Variants in INSYN1 observed in about 807,000 individuals in gnomAD.
The protein encoded by INSYN1 is UPF0583 protein C15orf59.
A neutral mutation model predicts 17.1 loss-of-function variants in INSYN1; 7 were observed. That is an observed-to-expected ratio of 0.41 (90% CI 0.23 to 0.77). The LOEUF (loss-of-function observed/expected upper bound fraction) is 0.77. Ranked by LOEUF, INSYN1 falls within the 30% of genes least tolerant of loss-of-function variation. INSYN1 has a pLI of 0.32. For synonymous variants in INSYN1, 174 were observed against 166.3 expected, an observed-to-expected ratio of 1.05 and a Z score of -0.36; for missense variants, 339 against 400.6, an observed-to-expected ratio of 0.85 and a Z score of 1.31.
In INSYN1 at chr15:73,739,838, AATAT is replaced by A. The variant is rs71650721; in HGVS notation, c.*75_*78del. ...ATTTTATTATGACTTCATTTGTTTA[AATAT>A]ATATATATATATATATATATATATA... On this transcript the variant is annotated 3_prime_UTR_variant, in exon 3 of 3. Coordinates refer to ENST00000569673, the MANE Select transcript of INSYN1 (RefSeq NM_001039614.3). 0.021 allele frequency: 3,066 copies of A among 144,368 alleles called. 71 individuals carry two copies. Among genetic ancestry groups the A allele is most frequent in the African/African-American group, 0.059 (2,000 of 33,844 alleles). 8.9% of individuals were successfully genotyped at this position (144,368 alleles called of 1,614,324 possible). A position where few individuals can be genotyped will look rare whatever the true frequency, so the allele number is the denominator to read the frequency against.
At chr15:73,747,965 G>A (rs536790962) in intron 2 of INSYN1, among the ~76,000 whole-genome samples, 8 of 152,214 alleles carry the variant, frequency 5.3e-5, no homozygotes, top group Non-Finnish European at 8.8e-5. Context: ...CTTGCTCATC[G>A]CCCAGGGAGC....
chr15:73,751,097 G>C lies in INSYN1; in HGVS notation c.34C>G (p.Pro12Ala). ...CCACCACTGCTGGGGTCGTCACTGG[G>C]CTGCCCGAGGTCCGGGGCGCCCCGA... The part of the protein sequence containing the change: ...NIRGAPDLGQ[P>A]SDDPSSGGER... The change falls in exon 2 of 3, where the codon CCC (proline) becomes GCC (alanine). Residue 12 changes from proline to alanine, a missense_variant. Transcript: ENST00000569673. 1.2e-6 allele frequency: 2 copies of C among 1,613,940 alleles called. No individual in the cohort carries two copies. Among genetic ancestry groups the C allele is most frequent in the Non-Finnish European group, 1.7e-6 (2 of 1,180,024 alleles).
chr15:73,745,786 G>A (rs1467667738), intron 2 of INSYN1, among the ~76,000 whole-genome samples: 4 of 122,932 alleles, frequency 3.3e-5, no homozygotes, highest in African/African-American at 1.3e-4. Context: ...TCCAGCCTGG[G>A]CGACAGAGCG....
In INSYN1 at chr15:73,751,403, C is replaced by T. The variant is rs1443286223; in HGVS notation, c.-273G>A. ...GAGAGGAGGGGGAGGGACCTTGGGT[C>T]CCAGGAGTGGCCTCCAGGTCTTGAA... is the stretch of plus-strand genomic sequence containing the variant. On this transcript the variant is annotated 5_prime_UTR_variant, in exon 2 of 3. Transcript: ENST00000569673. 1 of 476,384 alleles carries T rather than the reference C, an allele frequency of 2.1e-6. No individual in the cohort carries two copies. Among genetic ancestry groups the T allele is most frequent in the Non-Finnish European group, 3.8e-6 (1 of 259,864 alleles). The allele number at this position is 476,384 out of a possible 1,614,324, so 29.5% of individuals were successfully genotyped here. A position where few individuals can be genotyped will look rare whatever the true frequency, so the allele number is the denominator to read the frequency against.
chr15:73,739,867 A>T lies in INSYN1; in HGVS notation c.*50T>A, dbSNP rs1026483895. The T allele has an allele frequency of 3.3e-5, 12 of 364,776 alleles. No homozygotes were observed. Among genetic ancestry groups the T allele is most frequent in the Middle Eastern group, 1.0e-3 (1 of 1,002 alleles). The allele number at this position is 364,776 out of a possible 1,614,324, so 22.6% of individuals were successfully genotyped here. A position where few individuals can be genotyped will look rare whatever the true frequency, so the allele number is the denominator to read the frequency against. On this transcript the variant is annotated 3_prime_UTR_variant, in exon 3 of 3. Transcript: ENST00000569673. ...TATATATATATATATATATATATATATTTATTTATAGCTCTATGTGCCCAC... is the reference window on the plus strand; with the variant it reads ...TATATATATATATATATATATATATTTTTATTTATAGCTCTATGTGCCCAC...
chr15:73,751,533 A>T lies in INSYN1; in HGVS notation c.-403T>A. 1 of 218,184 alleles carries T rather than the reference A, an allele frequency of 4.6e-6. No individual in the cohort carries two copies. The highest frequency in any genetic ancestry group is 9.7e-5 in the East Asian group (1 of 10,324). The allele number at this position is 218,184 out of a possible 1,614,324, so 13.5% of individuals were successfully genotyped here. On this transcript the variant is annotated 5_prime_UTR_variant, in exon 2 of 3. Transcript: ENST00000569673. ...TAAGAGATGCCCTTGGGATGGGGGAAGGCAGCAGGGATCCCCTCACAACTC... is the reference window on the plus strand; with the variant it reads ...TAAGAGATGCCCTTGGGATGGGGGATGGCAGCAGGGATCCCCTCACAACTC...
intron 2 of INSYN1, among the ~76,000 whole-genome samples, chr15:73,747,941 C>T (rs1441107661): frequency 6.6e-6 from 1 of 152,186 alleles, no homozygotes; most frequent in Non-Finnish European, 1.5e-5. Flanking sequence ...ACTTTCCCCA[C>T]CAATGGGATA....
chr15:73,747,669 G>A (rs1382045686), intron 2 of INSYN1, among the ~76,000 whole-genome samples: 2 of 152,224 alleles, frequency 1.3e-5, no homozygotes, highest in Admixed American at 6.5e-5. Context: ...GCTAAGGAGA[G>A]GGTGGAGCTC....
In INSYN1 at chr15:73,753,210, C is replaced by T. The variant is rs950926206; in HGVS notation, c.-1668G>A. 2.1e-5 allele frequency among the ~76,000 whole-genome samples: 3 copies of T among 145,180 alleles called. No individual in the cohort carries two copies. The highest frequency in any genetic ancestry group is 2.1e-4 in the South Asian group (1 of 4,776). ...TGGGCCCGCTCCCCAAGCGCCGCGG[C>T]GCCGCGCCGCCCGCGCCCCGGCCGC... On this transcript the variant is annotated 5_prime_UTR_variant, in exon 1 of 3. Transcript: ENST00000569673. The surrounding 1 kb of genome is among the most constrained non-coding windows in gnomAD (Gnocchi z 4.2).
At chr15:73,743,555 C>T (rs1233804015) in intron 2 of INSYN1, among the ~76,000 whole-genome samples, 4 of 152,020 alleles carry the variant, frequency 2.6e-5, no homozygotes, top group East Asian at 1.9e-4. Flanking sequence ...TGTGGTGGCT[C>T]ATGCCTGTAA....
chr15:73,749,586 G>A (rs1313780813), intron 2 of INSYN1, among the ~76,000 whole-genome samples: 1 of 152,202 alleles, frequency 6.6e-6, no homozygotes, highest in Admixed American at 6.5e-5. Context: ...ATAAGATGGA[G>A]GCAGGGGGAA....
chr15:73,750,908 C>G, intron 2 of INSYN1, 67 bp downstream of exon 2: 1 of 1,572,572 alleles, frequency 6.4e-7, no homozygotes. Context: ...TTTATGAGTA[C>G]GTTTTTGTGC....
In INSYN1 at chr15:73,740,507, G is replaced by A. The variant is rs771613266; in HGVS notation, c.292C>T (p.Leu98=). Reference sequence around the variant, plus strand: ...AGGATATCGGCTGTCATGAAGTCCAGGTGGCCCAGGTCAAAGGGGCCACCC... The same window carrying A: ...AGGATATCGGCTGTCATGAAGTCCAAGTGGCCCAGGTCAAAGGGGCCACCC... ...GMGGPFDLGH[L]DFMTADILSD... The change falls in exon 3 of 3, where the codon CTG becomes TTG. Residue 98 remains leucine (L), a synonymous_variant. Transcript: ENST00000569673. 1.2e-5 allele frequency: 19 copies of A among 1,613,904 alleles called. No homozygotes were observed. In the African/African-American group the frequency reaches 2.1e-4, roughly 18 times the overall value.
At chr15:73,748,746 T>C (rs969652854) in intron 2 of INSYN1, among the ~76,000 whole-genome samples, 1 of 152,186 alleles carries the variant, frequency 6.6e-6, no homozygotes, top group African/African-American at 2.4e-5. Flanking sequence ...AAGACGGTGA[T>C]GGCATCTCTT....
At chr15:73,741,674 G>A (rs1353200699) in intron 2 of INSYN1, among the ~76,000 whole-genome samples, 3 of 152,206 alleles carry the variant, frequency 2.0e-5, no homozygotes, top group Non-Finnish European at 4.4e-5. Flanking sequence ...AAACAAAGCA[G>A]CGAGGCCAAG....
At chr15:73,746,296 G>A (rs1015937675) in intron 2 of INSYN1, among the ~76,000 whole-genome samples, 3 of 152,062 alleles carry the variant, frequency 2.0e-5, no homozygotes, top group Non-Finnish European at 4.4e-5. Context: ...AAATCTGTCC[G>A]GAGGAGGAGA....
chr15:73,747,018 C>T (rs531345164), intron 2 of INSYN1, among the ~76,000 whole-genome samples: 4 of 152,296 alleles, frequency 2.6e-5, no homozygotes, highest in African/African-American at 9.6e-5. Flanking sequence ...CTGTGCATGG[C>T]TCGACGGAAT....
At chr15:73,746,535 C>T (rs1901838953) in intron 2 of INSYN1, among the ~76,000 whole-genome samples, 1 of 152,144 alleles carries the variant, frequency 6.6e-6, no homozygotes, top group African/African-American at 2.4e-5. Context: ...GCCGATGGGA[C>T]TGCACAATGG....
At chr15:73,743,590 C>T (rs536245161) in intron 2 of INSYN1, among the ~76,000 whole-genome samples, 19 of 151,860 alleles carry the variant, frequency 1.3e-4, no homozygotes, top group African/African-American at 2.4e-4. Flanking sequence ...GAGGCCGAGG[C>T]GGGCAGATCA....
Sources: allele counts gnomAD v4.1 joint callset (sites outside exome capture counted in the v4.1 genomes callset), GRCh38; gene constraint gnomAD v4.1.1; non-coding constraint Gnocchi (gnomAD v3.1); transcripts MANE v1.5; gene names NCBI Gene and HGNC (gene_info 2026-07-23, HGNC 2026-07-21).